TRIM28: variants seen among roughly 807,000 people sequenced by gnomAD.
TRIM28 encodes the protein transcription intermediary factor 1-beta.
A neutral mutation model predicts 87.4 loss-of-function variants in TRIM28; 8 were observed. The observed-to-expected ratio is 0.09, with a 90% confidence interval of 0.05 to 0.17. TRIM28 has a LOEUF of 0.17. Ranked by LOEUF, TRIM28 falls within the 10% of genes least tolerant of loss-of-function variation. The pLI, the probability that TRIM28 is intolerant of heterozygous loss-of-function variation, is 1.00. For missense variants in TRIM28, 968 were observed against 1,131.8 expected (o/e 0.86, Z 2.08); for synonymous variants, 601 against 454.3 (o/e 1.32, Z -4.11).
At chr19:58,548,811 C>G (rs368393553) in intron 10 of TRIM28, 35 bp downstream of exon 10, 4 of 1,613,922 alleles carry the variant, frequency 2.5e-6, no homozygotes, top group Admixed American at 3.3e-5. Context: ...GGGAAGGGCC[C>G]CAGTGCTGTT....
chr19:58,545,191 A>T, intron 1 of TRIM28, 94 bp downstream of exon 1: 1 of 1,208,944 alleles, frequency 8.3e-7, no homozygotes, highest in Non-Finnish European at 1.1e-6. Context: ...GGGCGAGAGG[A>T]TGGGGGCCCG....
rs1378380763 is a variant in TRIM28 at position 58,547,412 on chromosome 19, A to T, written c.623A>T (p.Tyr208Phe). Residue 208 changes from tyrosine (Y) to phenylalanine (F), a missense_variant, in exon 4 of 17, where the codon TAT becomes TTT. Physicochemically the swap from Tyr to Phe is conservative, Grantham distance 22. Transcript: ENST00000253024. ...AKSRDGERTV[Y>F]CNVHKHEPLV... is the part of the protein sequence containing the mutation. The stretch of plus-strand genomic sequence containing the variant: ...TCTCGGGATGGTGAACGTACTGTCT[A>T]TTGCAACGTACACAAGCATGAACCC... 2.5e-6 allele frequency: 4 copies of T among 1,613,764 alleles called. No homozygotes were observed. The African/African-American group carries it at 5.3e-5, about 22-fold the overall frequency.
chr19:58,544,642 C>G lies in TRIM28; in HGVS notation c.-116C>G. The G allele has an allele frequency of 9.4e-6, 3 of 318,312 alleles. No homozygotes were observed. The highest frequency in any genetic ancestry group is 1.4e-5 in the Non-Finnish European group (3 of 222,082). 19.7% of individuals were successfully genotyped at this position (318,312 alleles called of 1,614,324 possible). A position where few individuals can be genotyped will look rare whatever the true frequency, so the allele number is the denominator to read the frequency against. ...GGCCCAGGAGGCGCGTGGCGGCGCT[C>G]GGCCTCGCGGCGGCGGCGGCGGCAG... On this transcript the variant is annotated 5_prime_UTR_variant, in exon 1 of 17. Coordinates refer to ENST00000253024, the MANE Select transcript of TRIM28 (RefSeq NM_005762.3).
chr19:58,549,004 G>A lies in TRIM28; in HGVS notation c.1426G>A (p.Gly476Ser), dbSNP rs1443598085. The change falls in exon 12 of 17, where the codon GGC becomes AGC. Residue 476 changes from glycine (G) to serine (S), a missense_variant. Around this residue, in one of 11 missense-constraint regions of TRIM28, gnomAD observed 119 missense variants for 93.6 expected, o/e 1.27. Coordinates refer to ENST00000253024, the MANE Select transcript of TRIM28 (RefSeq NM_005762.3). The surrounding 1 kb of genome is among the most constrained non-coding windows in gnomAD (Gnocchi z 4.4). ...CATCTACAGGTCCCGCTCAGGTGAG[G>A]GCGAGGTGAGCGGCCTTATGCGCAA... ...SGVKRSRSGE[G>S]EVSGLMRKVP... The A allele has an allele frequency of 6.2e-7, 1 of 1,614,104 alleles. No individual in the cohort carries two copies. Among genetic ancestry groups the A allele is most frequent in the African/African-American group, 1.3e-5 (1 of 75,016 alleles).
intron 7 of TRIM28, 32 bp from the exon 8 acceptor site, chr19:58,548,262 C>G (rs1056328513): frequency 6.2e-7 from 1 of 1,613,794 alleles, no homozygotes; most frequent in African/African-American, 1.3e-5. Flanking sequence ...TGTTGGTGTG[C>G]TCATTCTTTC....
Position 58,549,231 on chromosome 19 carries a change from C to G in TRIM28, c.1653C>G (p.Ala551=), listed in dbSNP as rs972370195. The change falls in exon 12 of 17, where the codon GCC becomes GCG. Residue 551 remains alanine (A), a synonymous_variant. Coordinates refer to ENST00000253024, the MANE Select transcript of TRIM28 (RefSeq NM_005762.3). The surrounding 1 kb of genome is among the most constrained non-coding windows in gnomAD (Gnocchi z 4.4). ...TPGAPPLAGM[A]IVKEEETEAA... is the part of the protein sequence containing the mutation. Reference sequence around the variant, plus strand: ...GTGCCCCACCCCTGGCTGGCATGGCCATTGTCAAGGTAAGCCTGTCCCAAG... The same window carrying G: ...GTGCCCCACCCCTGGCTGGCATGGCGATTGTCAAGGTAAGCCTGTCCCAAG... 2.5e-6 allele frequency: 4 copies of G among 1,613,410 alleles called. No individual in the cohort carries two copies. The African/African-American group carries it at 5.3e-5, about 22-fold the overall frequency.
Position 58,545,091 on chromosome 19 carries a change from G to A in TRIM28, c.334G>A (p.Gly112Ser), listed in dbSNP as rs938233802. 2 of 1,425,978 alleles carry A rather than the reference G, an allele frequency of 1.4e-6. No homozygotes were observed. The highest frequency in any genetic ancestry group is 1.5e-5 in the South Asian group (1 of 66,828). 88.3% of individuals were successfully genotyped at this position (1,425,978 alleles called of 1,614,324 possible). ...GGGGGACGGCGGGGCGGCGGGCGACGGCACCGGTAAGTACGAAGTGATCGG... is the reference window on the plus strand; with the variant it reads ...GGGGGACGGCGGGGCGGCGGGCGACAGCACCGGTAAGTACGAAGTGATCGG... The part of the protein sequence containing the change: ...SSGDGGAAGD[G>S]TVVDCPVCKQ... The change falls in exon 1 of 17, where the codon GGC (glycine) becomes AGC (serine). Residue 112 changes from glycine to serine, a missense_variant. Coordinates refer to ENST00000253024, the MANE Select transcript of TRIM28 (RefSeq NM_005762.3).
In TRIM28 at chr19:58,548,118, C is replaced by T. The variant is rs369399589; in HGVS notation, c.1039C>T (p.Arg347Cys). 1.9e-6 allele frequency: 3 copies of T among 1,614,218 alleles called. No homozygotes were observed. Among genetic ancestry groups the T allele is most frequent in the Non-Finnish European group, 1.7e-6 (2 of 1,180,036 alleles). The stretch of plus-strand genomic sequence containing the variant: ...CCAGAAGCACCAGGAGCACATTCTG[C>T]GCTTTGCCTCTTGGGCTCTGGAGAG... ...KIQKHQEHIL[R>C]FASWALESDN... The change falls in exon 7 of 17, where the codon CGC becomes TGC. Residue 347 changes from arginine (R) to cysteine (C), a missense_variant. Physicochemically the swap from Arg to Cys is radical, Grantham distance 180. Coordinates refer to ENST00000253024, the MANE Select transcript of TRIM28 (RefSeq NM_005762.3).
chr19:58,550,532 T>G lies in TRIM28; in HGVS notation c.2487T>G (p.Gly829=). Residue 829 remains glycine (G), a synonymous_variant, in exon 17 of 17, where the codon GGT becomes GGG. Transcript: ENST00000253024. ...GAGLSSQELS[G]GPGDGP is the part of the protein sequence containing the mutation. ...GCCTGAGTTCCCAGGAGCTGTCTGG[T>G]GGCCCTGGTGATGGCCCCTGAGGCT... is the stretch of plus-strand genomic sequence containing the variant. The G allele has an allele frequency of 6.2e-7, 1 of 1,609,750 alleles. No individual in the cohort carries two copies. Among genetic ancestry groups the G allele is most frequent in the Non-Finnish European group, 8.5e-7 (1 of 1,179,882 alleles).
intron 3 of TRIM28, 187 bp from the exon 4 acceptor site, chr19:58,547,189 C>T (rs1363594400): frequency 1.0e-5 from 6 of 598,722 alleles, no homozygotes; most frequent in Non-Finnish European, 1.7e-5. Context: ...TATGTTGGGG[C>T]AGAGGATTCT....
intron 15 of TRIM28, 26 bp from the exon 16 acceptor site, chr19:58,550,121 T>C: frequency 6.2e-7 from 1 of 1,613,662 alleles, no homozygotes. Context: ...TGTCTTTGTG[T>C]GTGTATGTGT....
rs1457656532 is a variant in TRIM28, at chr19:58,545,246, G to T, written c.340+149G>T. On this transcript the variant is annotated intron_variant, in intron 1 of 16. Transcript: ENST00000253024. Reference sequence around the variant, plus strand: ...TTTCTGGGTCCTGCATACGAACGTGGGTTTGTGCTGGCCGCTGAGATGGGA... The same window carrying T: ...TTTCTGGGTCCTGCATACGAACGTGTGTTTGTGCTGGCCGCTGAGATGGGA... 3 of 911,452 alleles carry T rather than the reference G, an allele frequency of 3.3e-6. No individual in the cohort carries two copies. In the African/African-American group the frequency reaches 5.0e-5, roughly 15 times the overall value. The allele number at this position is 911,452 out of a possible 1,614,324, so 56.5% of individuals were successfully genotyped here. A position where few individuals can be genotyped will look rare whatever the true frequency, so the allele number is the denominator to read the frequency against.
rs1229843983 is a variant in TRIM28, at chr19:58,549,901, C to T, written c.2106+41C>T. 1.2e-6 allele frequency: 2 copies of T among 1,613,962 alleles called. No homozygotes were observed. The highest frequency in any genetic ancestry group is 1.7e-6 in the Non-Finnish European group (2 of 1,179,946). On this transcript the variant is annotated intron_variant, in intron 14 of 16. Coordinates refer to ENST00000253024, the MANE Select transcript of TRIM28 (RefSeq NM_005762.3). This position sits in a 1 kb window ranked among gnomAD's most constrained non-coding sequence, Gnocchi z 4.4. ...ACTTAGGTGGGGTTGCCCAGAGAGGCTTTATAGGTGCTGCCCAGAGCTGTG... is the reference window on the plus strand; with the variant it reads ...ACTTAGGTGGGGTTGCCCAGAGAGGTTTTATAGGTGCTGCCCAGAGCTGTG...
intron 15 of TRIM28, 51 bp downstream of exon 15, chr19:58,550,086 C>G: frequency 6.2e-7 from 1 of 1,613,444 alleles, no homozygotes; most frequent in Middle Eastern, 1.7e-4. Context: ...CTGGGTCTCG[C>G]CCTCAACCTG....
At position 58,550,594 on chromosome 19, in the gene TRIM28, C is replaced by T. The variant is rs201545775; in HGVS notation, c.*41C>T. 20 of 1,577,366 alleles carry T rather than the reference C, an allele frequency of 1.3e-5. No individual in the cohort carries two copies. The Admixed American group carries it at 1.9e-4, about 15-fold the overall frequency. On this transcript the variant is annotated 3_prime_UTR_variant, in exon 17 of 17. Transcript: ENST00000253024. ...GGCCAGCCCAGCCTGGCTCTGTTCT[C>T]TGTCCTGTCACCCCATCCCCACTCC...
chr19:58,545,628 A>G (rs1346829192), intron 2 of TRIM28, 91 bp downstream of exon 2: 14 of 1,490,018 alleles, frequency 9.4e-6, no homozygotes, highest in Non-Finnish European at 1.2e-5. Flanking sequence ...CTGTTACTCC[A>G]CTTTCCCAAG....
rs1253009785 is a variant in TRIM28 at position 58,544,147 on chromosome 19, C to G, written c.-611C>G. 1.3e-5 allele frequency: 2 copies of G among 152,436 alleles called. No homozygotes were observed. The highest frequency in any genetic ancestry group is 4.8e-5 in the African/African-American group (2 of 41,480). The allele number at this position is 152,436 out of a possible 1,614,324, so 9.4% of individuals were successfully genotyped here. On this transcript the variant is annotated 5_prime_UTR_variant, in exon 1 of 17. Coordinates refer to ENST00000253024, the MANE Select transcript of TRIM28 (RefSeq NM_005762.3). Reference sequence around the variant, plus strand: ...GGGACGGATTGCCCATGCGCTTGGGCGCACAGCGGCCCGCTTCTGTGTGGT... The same window carrying G: ...GGGACGGATTGCCCATGCGCTTGGGGGCACAGCGGCCCGCTTCTGTGTGGT...
Position 58,549,268 on chromosome 19 carries a change from G to T in TRIM28, c.1662+28G>T, listed in dbSNP as rs758821205. Reference sequence around the variant, plus strand: ...AAGCCTGTCCCAAGGAACTATAGCTGTAGGATGAAGCCTGTAGTCCAGGTC... The same window carrying T: ...AAGCCTGTCCCAAGGAACTATAGCTTTAGGATGAAGCCTGTAGTCCAGGTC... On this transcript the variant is annotated intron_variant, in intron 12 of 16. Coordinates refer to ENST00000253024, the MANE Select transcript of TRIM28 (RefSeq NM_005762.3). This position sits in a 1 kb window ranked among gnomAD's most constrained non-coding sequence, Gnocchi z 4.4. 2 of 1,604,212 alleles carry T rather than the reference G, an allele frequency of 1.2e-6. No individual in the cohort carries two copies. The highest frequency in any genetic ancestry group is 2.2e-5 in the South Asian group (2 of 90,176).
rs775848598 is a variant in TRIM28 at position 58,549,407 on chromosome 19, C to G, written c.1739C>G (p.Ala580Gly). Residue 580 changes from alanine to glycine, a missense_variant, in exon 13 of 17, where the codon GCT (alanine) becomes GGT (glycine). Physicochemically the swap from Ala to Gly is moderately conservative, Grantham distance 60 (BLOSUM62 0). Coordinates refer to ENST00000253024, the MANE Select transcript of TRIM28 (RefSeq NM_005762.3). This position sits in a 1 kb window ranked among gnomAD's most constrained non-coding sequence, Gnocchi z 4.4. ...EGPETKPVLM[A>G]LAEGPGAEGP... Reference sequence around the variant, plus strand: ...CCTGAGACCAAACCTGTGCTTATGGCTCTTGCGGAGGGTCCTGGTGCTGAG... The same window carrying G: ...CCTGAGACCAAACCTGTGCTTATGGGTCTTGCGGAGGGTCCTGGTGCTGAG... 1.3e-6 allele frequency: 2 copies of G among 1,596,444 alleles called. No individual in the cohort carries two copies. Among genetic ancestry groups the G allele is most frequent in the Admixed American group, 3.4e-5 (2 of 58,880 alleles).
Sources: gnomAD v4.1 joint callset for allele counts on GRCh38, gnomAD v4.1.1 for gene constraint, gnomAD v4.1.1 regional missense constraint, Gnocchi (gnomAD v3.1) non-coding constraint, MANE v1.5 for transcripts, NCBI Gene and HGNC (gene_info 2026-07-23, HGNC 2026-07-21) for gene names.